The following TBCE variants were observed in gnomAD, a reference collection of about 807,000 sequenced individuals.
The protein encoded by TBCE is tubulin folding cofactor E, also known as tubulin-specific chaperone E.
TBCE carries 53 observed loss-of-function variants against 77.0 expected under a neutral mutation model. The ratio of observed to expected loss-of-function variants is 0.69; its 90% confidence interval spans 0.55 to 0.87. TBCE has a LOEUF of 0.87. Among genes scored for constraint, TBCE ranks in the 40% least tolerant of loss-of-function variants. The pLI is 0.00. For synonymous variants in TBCE, 235 were observed against 241.3 expected, an observed-to-expected ratio of 0.97 and a Z score of 0.24; for missense variants, 624 against 622.4, an observed-to-expected ratio of 1.00 and a Z score of -0.03.
chr1:235,433,098 G>T, intron 7 of TBCE: 1 of 1,524,910 alleles, frequency 6.6e-7, no homozygotes, highest in Non-Finnish European at 8.7e-7. Flanking sequence ...ACGTGGCCAA[G>T]GCCAGTGAGG....
intron 2 of TBCE, among the ~76,000 whole-genome samples, chr1:235,392,222 G>C (rs1678429892): frequency 6.6e-6 from 1 of 151,848 alleles, no homozygotes; most frequent in African/African-American, 2.4e-5. Context: ...AGGCATGGTG[G>C]CATGTGCCTG....
At chr1:235,447,820 GTCCGTTGGC>G (rs1682504348) in intron 15 of TBCE, among the ~76,000 whole-genome samples, 1 of 152,150 alleles carries the variant, frequency 6.6e-6, no homozygotes, top group Non-Finnish European at 1.5e-5. Context: ...GGGCACTTAG[GTCCGTTGGC>G]TCCGTTTCCC....
At chr1:235,436,032 G>A in intron 9 of TBCE, 192 bp downstream of exon 9, 1 of 622,622 alleles carries the variant, frequency 1.6e-6, no homozygotes, top group South Asian at 2.0e-5. Context: ...GTATAATGTG[G>A]ACTATGTCTG....
rs1044485007 is a variant in TBCE at position 235,443,374 on chromosome 1, G to T, written c.1399+463G>T. Among the ~76,000 whole-genome samples, 12 of 152,118 alleles carry T rather than the reference G, an allele frequency of 7.9e-5. No individual in the cohort carries two copies. In the South Asian group the frequency reaches 8.3e-4, roughly 11 times the overall value. ...AGCCACCAACGCCCAGCTAATTTTTGTATTTTTTGTAGAGATGGGTTTTCG... is the reference window on the plus strand; with the variant it reads ...AGCCACCAACGCCCAGCTAATTTTTTTATTTTTTGTAGAGATGGGTTTTCG... On this transcript the variant is annotated intron_variant, in intron 15 of 16. Coordinates refer to ENST00000642610, the MANE Select transcript of TBCE (RefSeq NM_003193.5).
At chr1:235,408,708 C>T (rs757858641) in intron 3 of TBCE, among the ~76,000 whole-genome samples, 3 of 152,154 alleles carry the variant, frequency 2.0e-5, no homozygotes, top group Non-Finnish European at 2.9e-5. Context: ...GATGTTACAG[C>T]GCTGAACACT....
intron 5 of TBCE, among the ~76,000 whole-genome samples, chr1:235,422,786 G>A (rs931279238): frequency 5.9e-5 from 9 of 152,146 alleles, no homozygotes; most frequent in Non-Finnish European, 1.0e-4. Flanking sequence ...CCGAGATCGC[G>A]CCATTGCACT....
In TBCE at chr1:235,427,363, G is replaced by A. The variant is rs1000186396; in HGVS notation, c.560+124G>A. On this transcript the variant is annotated intron_variant, in intron 6 of 16. Transcript: ENST00000642610. ...GTTAAGGCTGCCACCTGATGATACA[G>A]GAGTTAAGAAGGAATTACTCAGGCT... 68 of 744,744 alleles carry A rather than the reference G, an allele frequency of 9.1e-5. No homozygotes were observed. In the African/African-American group the frequency reaches 1.0e-3, roughly 11 times the overall value. 46.1% of individuals were successfully genotyped at this position (744,744 alleles called of 1,614,324 possible). A position where few individuals can be genotyped will look rare whatever the true frequency, so the allele number is the denominator to read the frequency against.
In TBCE at chr1:235,427,244, G is replaced by A. The variant is rs12757197; in HGVS notation, c.560+5G>A. On this transcript the variant is annotated splice_donor_5th_base_variant and intron_variant, in intron 6 of 16. Transcript: ENST00000642610. Reference sequence around the variant, plus strand: ...CCTGGAAGTCCTTAATGTCAGGTATGAACTCTTGGTTGCTGAATCTTCATT... The same window carrying A: ...CCTGGAAGTCCTTAATGTCAGGTATAAACTCTTGGTTGCTGAATCTTCATT... The A allele has an allele frequency of 0.1, 165,598 of 1,591,340 alleles. 9,735 individuals carry two copies. The highest frequency in any genetic ancestry group is 0.22 in the African/African-American group (16,685 of 74,402).
intron 7 of TBCE, among the ~76,000 whole-genome samples, chr1:235,432,522 G>T (rs1162839322): frequency 6.6e-6 from 1 of 152,174 alleles, no homozygotes; most frequent in Non-Finnish European, 1.5e-5. Context: ...GCTCACACCT[G>T]CAATCCCAGC....
At chr1:235,413,848 A>ATTTTTTT (rs781617014) in intron 3 of TBCE, 2 of 70,942 alleles carry the variant, frequency 2.8e-5, no homozygotes, top group East Asian at 4.6e-4. Flanking sequence ...TCCACCTACG[A>ATTTTTTT]TTTTTTTTTT....
At chr1:235,414,895 A>G in intron 4 of TBCE, 1 of 400,834 alleles carries the variant, frequency 2.5e-6, no homozygotes, top group Non-Finnish European at 4.7e-6. Flanking sequence ...TTGACTAAGT[A>G]ACCAAGGCTG....
chr1:235,424,447 CCT>C (rs1680586484), intron 5 of TBCE, among the ~76,000 whole-genome samples: 1 of 151,648 alleles, frequency 6.6e-6, no homozygotes, highest in Non-Finnish European at 1.5e-5. Context: ...GCCTCAGCCC[CCT>C]GAGTAGCTGG....
rs1288651863 is a variant in TBCE at position 235,451,168 on chromosome 1, G to GTTTT, written c.*2406_*2407insTTTT. The GTTTT allele has an allele frequency of 6.6e-6, 1 of 152,126 alleles. No individual in the cohort carries two copies. The highest frequency in any genetic ancestry group is 2.4e-5 in the African/African-American group (1 of 41,416). The allele number at this position is 152,126 out of a possible 1,614,324, so 9.4% of individuals were successfully genotyped here. On this transcript the variant is annotated 3_prime_UTR_variant, in exon 17 of 17. Transcript: ENST00000642610. The stretch of plus-strand genomic sequence containing the variant: ...AGACTGACACAGAGCTAGGATCTCT[G>GTTTT]AGGGGCCACAGCCTCAGGGGTGATA...
intron 4 of TBCE, 115 bp downstream of exon 4, chr1:235,414,733 G>T (rs943427652): frequency 4.0e-6 from 4 of 1,011,102 alleles, no homozygotes. Context: ...CTGGTTTATG[G>T]TTCCACAGAA....
chr1:235,399,720 G>A (rs983741508), intron 2 of TBCE, among the ~76,000 whole-genome samples: 1 of 152,142 alleles, frequency 6.6e-6, no homozygotes, highest in Non-Finnish European at 1.5e-5. Context: ...TCTGTGAGCC[G>A]CTCCAGCAAA....
chr1:235,382,188 C>T (rs1319787145), intron 2 of TBCE, among the ~76,000 whole-genome samples: 1 of 151,044 alleles, frequency 6.6e-6, no homozygotes, highest in Non-Finnish European at 1.5e-5. Context: ...TGTATATGTG[C>T]CACATTTTCT....
rs1682738699 is a variant in TBCE, at chr1:235,449,227, T to TATTA, written c.*466_*469dup. The TATTA allele has an allele frequency of 5.3e-6, 1 of 188,908 alleles. No homozygotes were observed. The highest frequency in any genetic ancestry group is 1.0e-4 in the South Asian group (1 of 9,958). 11.7% of individuals were successfully genotyped at this position (188,908 alleles called of 1,614,324 possible). Reference sequence around the variant, plus strand: ...TCCTCTACTATGTATAACAATATGCTATTATCTGTCTTCTCAGTTGCACTA... The same window carrying TATTA: ...TCCTCTACTATGTATAACAATATGCTATTAATTATCTGTCTTCTCAGTTGCACTA... On this transcript the variant is annotated 3_prime_UTR_variant, in exon 17 of 17. Transcript: ENST00000642610.
intron 1 of TBCE, among the ~76,000 whole-genome samples, chr1:235,376,527 C>T (rs1169108655): frequency 6.6e-6 from 1 of 152,130 alleles, no homozygotes; most frequent in Admixed American, 6.6e-5. Flanking sequence ...GAGTGGAGTT[C>T]TGCAGTCATT....
chr1:235,419,641 C>A, intron 5 of TBCE, 80 bp downstream of exon 5: 1 of 1,580,700 alleles, frequency 6.3e-7, no homozygotes, highest in South Asian at 1.1e-5. Flanking sequence ...AATTGCCTAC[C>A]CATTGTCCAG....
Sources: gnomAD v4.1 joint callset for allele counts (sites outside exome capture counted in the v4.1 genomes callset) on GRCh38, gnomAD v4.1.1 for gene constraint, MANE v1.5 for transcripts, NCBI Gene and HGNC (gene_info 2026-07-23, HGNC 2026-07-21) for gene names.